Variants in GRIN3A observed in about 807,000 individuals in gnomAD.
The protein encoded by GRIN3A is glutamate receptor ionotropic, NMDA 3A.
GRIN3A carries 47 observed loss-of-function variants against 92.4 expected under a neutral mutation model. The ratio of observed to expected loss-of-function variants is 0.51; its 90% CI spans 0.40 to 0.65. The LOEUF (loss-of-function observed/expected upper bound fraction) is 0.65, where lower values mean the gene tolerates loss of function less well. Ranked by LOEUF, GRIN3A falls within the 30% of genes least tolerant of loss-of-function variation. GRIN3A has a pLI of 0.00. For missense variants in GRIN3A, 1,324 were observed against 1,393.1 expected, an observed-to-expected ratio of 0.95 and a Z score of 0.79; for synonymous variants, 527 against 540.6, an observed-to-expected ratio of 0.97 and a Z score of 0.35.
chr9:101,610,369 T>C (rs1677875422), intron 6 of GRIN3A, among the ~76,000 whole-genome samples: 1 of 152,222 alleles, frequency 6.6e-6, no homozygotes, highest in South Asian at 2.1e-4. Flanking sequence ...GGAGAAATGT[T>C]TTTGCATCTT....
At position 101,573,230 on chromosome 9, in the gene GRIN3A, T is replaced by A. The variant is rs775080463; in HGVS notation, c.3292A>T (p.Ser1098Cys). The change falls in exon 9 of 9, where the codon AGC (serine) becomes TGC (cysteine). Residue 1098 changes from serine to cysteine, a missense_variant. Coordinates refer to ENST00000361820, the MANE Select transcript of GRIN3A (RefSeq NM_133445.3). ...VIRQELQLAVSRKTELEEYQR... is the reference protein window; with the variant it reads ...VIRQELQLAVCRKTELEEYQR... Reference sequence around the variant, plus strand: ...TACTCCTCCAGCTCCGTTTTCCTGCTCACAGCCAGCTGCAGCTCCTGACGG... The same window carrying A: ...TACTCCTCCAGCTCCGTTTTCCTGCACACAGCCAGCTGCAGCTCCTGACGG... 5.6e-6 allele frequency: 9 copies of A among 1,614,118 alleles called. No individual in the cohort carries two copies. The South Asian group carries it at 9.9e-5, about 18-fold the overall frequency.
intron 4 of GRIN3A, among the ~76,000 whole-genome samples, chr9:101,624,622 C>G (rs528041895): frequency 6.6e-6 from 1 of 152,054 alleles, no homozygotes; most frequent in South Asian, 2.1e-4. Flanking sequence ...TCCAGTCTAT[C>G]GTTGTTGGAC....
chr9:101,649,143 G>T (rs915435151), intron 3 of GRIN3A, among the ~76,000 whole-genome samples: 1 of 151,968 alleles, frequency 6.6e-6, no homozygotes, highest in Non-Finnish European at 1.5e-5. Flanking sequence ...TCCTGCCATT[G>T]TTTCACAGTC....
chr9:101,666,878 C>G (rs951084657), intron 3 of GRIN3A, among the ~76,000 whole-genome samples: 4 of 152,020 alleles, frequency 2.6e-5, no homozygotes, highest in African/African-American at 9.7e-5. Flanking sequence ...TATCAGTGAC[C>G]AAAGCTATAA....
intron 1 of GRIN3A, among the ~76,000 whole-genome samples, chr9:101,699,097 CA>C (rs1829722491): frequency 6.6e-6 from 1 of 152,116 alleles, no homozygotes; most frequent in Non-Finnish European, 1.5e-5. Flanking sequence ...TAGAGCTGTA[CA>C]AAAATGTTTT....
In GRIN3A at chr9:101,696,999, A is replaced by G. The variant is rs10989593; in HGVS notation, c.700-9799T>C. Among the ~76,000 whole-genome samples, 1,359 of 152,274 alleles carry G rather than the reference A, an allele frequency of 8.9e-3. 22 individuals are homozygous for G. The highest frequency in any genetic ancestry group is 0.031 in the African/African-American group (1,293 of 41,564). On this transcript the variant is annotated intron_variant, in intron 1 of 8. Coordinates refer to ENST00000361820, the MANE Select transcript of GRIN3A (RefSeq NM_133445.3). Reference sequence around the variant, plus strand: ...AATTGTGATGTAATATGCCTTTTATATATATTGGTTTATCACTTCAGAATA... The same window carrying G: ...AATTGTGATGTAATATGCCTTTTATGTATATTGGTTTATCACTTCAGAATA...
rs55976763 is a variant in GRIN3A, at chr9:101,698,729, G to A, written c.700-11529C>T. On this transcript the variant is annotated intron_variant, in intron 1 of 8. Coordinates refer to ENST00000361820, the MANE Select transcript of GRIN3A (RefSeq NM_133445.3). ...CTCAGCCAGGCTGGAGTGCAGTGGCGGGATCTTTGTCTCACTATAACCTCC... is the reference window on the plus strand; with the variant it reads ...CTCAGCCAGGCTGGAGTGCAGTGGCAGGATCTTTGTCTCACTATAACCTCC... Among the ~76,000 whole-genome samples, 469 of 152,114 alleles carry A rather than the reference G, an allele frequency of 3.1e-3. 2 individuals are homozygous for A. The highest frequency in any genetic ancestry group is 0.011 in the African/African-American group (437 of 41,498).
At chr9:101,652,538 C>T (rs542401491) in intron 3 of GRIN3A, among the ~76,000 whole-genome samples, 2 of 152,084 alleles carry the variant, frequency 1.3e-5, no homozygotes, top group African/African-American at 2.4e-5. Flanking sequence ...TCCCAACATC[C>T]TCCCTCCACC....
intron 1 of GRIN3A, among the ~76,000 whole-genome samples, chr9:101,696,292 A>C (rs529829469): frequency 6.6e-6 from 1 of 152,352 alleles, no homozygotes; most frequent in East Asian, 1.9e-4. Flanking sequence ...TAAAAATAGA[A>C]GACATAATGC....
At chr9:101,647,306 T>C (rs1828949931) in intron 3 of GRIN3A, among the ~76,000 whole-genome samples, 1 of 151,970 alleles carries the variant, frequency 6.6e-6, no homozygotes, top group Admixed American at 6.6e-5. Context: ...TACTGAGTTG[T>C]GTGTGTTGAA....
chr9:101,666,424 C>G (rs1040085399), intron 3 of GRIN3A, among the ~76,000 whole-genome samples: 1 of 151,798 alleles, frequency 6.6e-6, no homozygotes, highest in Admixed American at 6.6e-5. Context: ...TTCTTTCTTA[C>G]AAGTTGGAGC....
intron 1 of GRIN3A, among the ~76,000 whole-genome samples, chr9:101,733,825 G>T (rs1009075544): frequency 1.3e-5 from 2 of 152,090 alleles, no homozygotes; most frequent in South Asian, 2.1e-4. Flanking sequence ...TGTATTCAAC[G>T]AGAGTGTTGA....
In GRIN3A at chr9:101,571,723, G is replaced by A. The variant is rs1827762537; in HGVS notation, c.*1451C>T. On this transcript the variant is annotated 3_prime_UTR_variant, in exon 9 of 9. Transcript: ENST00000361820. ...CTGTGGGCAGCCAAACTTCCAGAAT[G>A]GTGTTTCTAGAAAAGTAATTTTTAG... 1 of 152,140 alleles carries A rather than the reference G, an allele frequency of 6.6e-6. No homozygotes were observed. The highest frequency in any genetic ancestry group is 2.1e-4 in the South Asian group (1 of 4,830). 9.4% of individuals were successfully genotyped at this position (152,140 alleles called of 1,614,324 possible). A position where few individuals can be genotyped will look rare whatever the true frequency, so the allele number is the denominator to read the frequency against.
At chr9:101,636,607 T>A (rs575017085) in intron 3 of GRIN3A, among the ~76,000 whole-genome samples, 1 of 152,338 alleles carries the variant, frequency 6.6e-6, no homozygotes, top group African/African-American at 2.4e-5. Flanking sequence ...ATCTCGAGTA[T>A]ATTATTCTAA....
chr9:101,695,775 C>T (rs1280871275), intron 1 of GRIN3A, among the ~76,000 whole-genome samples: 5 of 152,126 alleles, frequency 3.3e-5, no homozygotes, highest in Admixed American at 1.3e-4. Flanking sequence ...ATGTCAACAC[C>T]AGTCATTATG....
At chr9:101,586,389 C>A (rs1165689681) in intron 6 of GRIN3A, among the ~76,000 whole-genome samples, 1 of 152,122 alleles carries the variant, frequency 6.6e-6, no homozygotes. Flanking sequence ...CATATGAAAA[C>A]TAGGATTTTT....
chr9:101,706,505 A>G (rs569054396), intron 1 of GRIN3A, among the ~76,000 whole-genome samples: 197 of 152,322 alleles, frequency 1.3e-3, no homozygotes, highest in African/African-American at 4.5e-3. Flanking sequence ...CATTGTTTAG[A>G]AAGGGATTGG....
chr9:101,722,418 T>G (rs1333124265), intron 1 of GRIN3A, among the ~76,000 whole-genome samples: 4 of 152,238 alleles, frequency 2.6e-5, no homozygotes, highest in African/African-American at 9.6e-5. Flanking sequence ...GAGTCCCTAC[T>G]GAAGCACTGC....
In GRIN3A at chr9:101,714,014, A is replaced by G. The variant is rs10122813; in HGVS notation, c.699+23267T>C. Among the ~76,000 whole-genome samples the G allele has an allele frequency of 9.4e-3, 1,438 of 152,312 alleles. 21 individuals carry two copies. The highest frequency in any genetic ancestry group is 0.033 in the African/African-American group (1,365 of 41,570). On this transcript the variant is annotated intron_variant, in intron 1 of 8. Transcript: ENST00000361820. ...TGCACTCCAGTCTGTGCAACAGAGT[A>G]AGATCCTGTTTCTGAAAAATAAAAA...
Sources: allele counts gnomAD v4.1 joint callset (sites outside exome capture counted in the v4.1 genomes callset), GRCh38; gene constraint gnomAD v4.1.1; transcripts MANE v1.5; gene names NCBI Gene and HGNC (gene_info 2026-07-23, HGNC 2026-07-21).